NCOA2: variants seen among roughly 807,000 people sequenced by gnomAD.
NCOA2 encodes the protein class E basic helix-loop-helix protein 75.
A neutral mutation model predicts 145.1 loss-of-function variants in NCOA2; 21 were observed. That is an observed-to-expected ratio of 0.14 (90% CI 0.10 to 0.21). The LOEUF is 0.21. Ranked by LOEUF, NCOA2 falls within the 10% of genes least tolerant of loss-of-function variation. The pLI is 1.00. For synonymous variants in NCOA2, 619 were observed against 637.5 expected (o/e 0.97, Z 0.44); for missense variants, 1,472 against 1,837.6 (o/e 0.80, Z 3.64).
At chr8:70,429,306 G>T in the NCOA2 span, among the ~76,000 whole-genome samples, 1 of 152,214 alleles carries the variant, frequency 6.6e-6, no homozygotes, top group Non-Finnish European at 1.5e-5. Context: ...TCTGCTCAGA[G>T]TTGTGGAGGC....
intron 1 of NCOA2, among the ~76,000 whole-genome samples, chr8:70,346,514 CT>C (rs1808659872): frequency 6.6e-6 from 1 of 152,084 alleles, no homozygotes; most frequent in Non-Finnish European, 1.5e-5. Flanking sequence ...AGTTGCCTGC[CT>C]TTTTCCTTTA....
chr8:70,272,148 C>T (rs557739189), intron 2 of NCOA2, among the ~76,000 whole-genome samples: 36 of 152,188 alleles, frequency 2.4e-4, no homozygotes, highest in Non-Finnish European at 3.7e-4. Context: ...TGTGTTCAAA[C>T]TTGGCAGAAA....
At chr8:70,149,964 T>C (rs1477510166) in intron 11 of NCOA2, among the ~76,000 whole-genome samples, 1 of 152,212 alleles carries the variant, frequency 6.6e-6, no homozygotes, top group East Asian at 1.9e-4. Context: ...CGACATACAA[T>C]TCCTCCCCAT....
At chr8:70,226,821 C>T (rs1368404205) in intron 2 of NCOA2, among the ~76,000 whole-genome samples, 2 of 151,838 alleles carry the variant, frequency 1.3e-5, no homozygotes, top group African/African-American at 2.4e-5. Flanking sequence ...TTTTCTTCTA[C>T]CAACTCTTTC....
At chr8:70,160,602 T>C (rs865900478) in intron 9 of NCOA2, among the ~76,000 whole-genome samples, 12 of 149,728 alleles carry the variant, frequency 8.0e-5, no homozygotes, top group Admixed American at 2.0e-4. Context: ...GTTGAATAGT[T>C]ACCCCTAAAG....
chr8:70,130,541 C>T (rs1808972171), intron 16 of NCOA2, among the ~76,000 whole-genome samples: 1 of 146,766 alleles, frequency 6.8e-6, no homozygotes, highest in African/African-American at 2.7e-5. Context: ...ACTCCATTTT[C>T]CTTTCTTATT....
At chr8:70,273,049 T>C (rs367954835) in intron 2 of NCOA2, among the ~76,000 whole-genome samples, 9 of 152,164 alleles carry the variant, frequency 5.9e-5, no homozygotes, top group African/African-American at 1.7e-4. Context: ...TAAAAACTTA[T>C]CTGTGAATTG....
At chr8:70,310,080 C>T (rs1220301171) in intron 1 of NCOA2, among the ~76,000 whole-genome samples, 2 of 152,076 alleles carry the variant, frequency 1.3e-5, no homozygotes, top group African/African-American at 2.4e-5. Context: ...ACCTGTAACC[C>T]AGCACTTTGG....
Position 70,141,093 on chromosome 8 carries a change from C to A in NCOA2, c.3028+91G>T. ...TTCATGGGAGGATTATCTAAAATGCCCATAAGAAGCATGTCTTGAAAGAAC... is the reference window on the plus strand; with the variant it reads ...TTCATGGGAGGATTATCTAAAATGCACATAAGAAGCATGTCTTGAAAGAAC... On this transcript the variant is annotated intron_variant, in intron 14 of 22. Coordinates refer to ENST00000452400, the MANE Select transcript of NCOA2 (RefSeq NM_006540.4). The A allele has an allele frequency of 4.0e-6, 5 of 1,243,640 alleles. 1 individual carries two copies. In the Admixed American group the frequency reaches 1.1e-4, roughly 26 times the overall value. 77.0% of individuals were successfully genotyped at this position (1,243,640 alleles called of 1,614,324 possible).
chr8:70,385,191 T>C (rs1031066331), intron 1 of NCOA2, among the ~76,000 whole-genome samples: 3 of 152,216 alleles, frequency 2.0e-5, no homozygotes, highest in Non-Finnish European at 4.4e-5. Flanking sequence ...TTTAAAATAA[T>C]CTACTCTGAA....
chr8:70,184,371 G>T (rs1815815210), intron 4 of NCOA2, among the ~76,000 whole-genome samples: 2 of 152,114 alleles, frequency 1.3e-5, no homozygotes, highest in Admixed American at 1.3e-4. Context: ...CAGCTCTTAA[G>T]AAAATAAACC....
At chr8:70,344,859 T>A (rs1326150310) in intron 1 of NCOA2, among the ~76,000 whole-genome samples, 7 of 152,230 alleles carry the variant, frequency 4.6e-5, no homozygotes. Context: ...AACACTTAAG[T>A]GTCTCAAGAA....
At chr8:70,345,876 T>C (rs968974067) in intron 1 of NCOA2, among the ~76,000 whole-genome samples, 3 of 152,132 alleles carry the variant, frequency 2.0e-5, no homozygotes, top group African/African-American at 7.2e-5. Context: ...CAGGGTCCCA[T>C]GTCCAACAAT....
At chr8:70,428,561 C>T in the NCOA2 span, among the ~76,000 whole-genome samples, 2 of 152,138 alleles carry the variant, frequency 1.3e-5, no homozygotes, top group Non-Finnish European at 2.9e-5. Context: ...GAGGTCAAGG[C>T]TGCGGTGAGC....
At chr8:70,147,462 ACT>A (rs1386738317) in intron 12 of NCOA2, among the ~76,000 whole-genome samples, 2 of 152,168 alleles carry the variant, frequency 1.3e-5, no homozygotes, top group African/African-American at 4.8e-5. Flanking sequence ...AGGAAAAATC[ACT>A]CTGTTTTGCC....
the NCOA2 span, among the ~76,000 whole-genome samples, chr8:70,445,946 A>G: frequency 6.6e-6 from 1 of 152,150 alleles, no homozygotes; most frequent in Non-Finnish European, 1.5e-5. Context: ...AATACATTCT[A>G]TCATAACTGC....
In NCOA2 at chr8:70,236,009, G is replaced by A. The variant is rs139886764; in HGVS notation, c.-19-19245C>T. ...AAGCTTTCACCTTAAAAATCATGCC[G>A]CCTGCTAAGTGACTACTCAGAAAAT... On this transcript the variant is annotated intron_variant, in intron 2 of 22. Transcript: ENST00000452400. 1.7e-3 allele frequency among the ~76,000 whole-genome samples: 255 copies of A among 152,024 alleles called. 3 individuals carry two copies. The highest frequency in any genetic ancestry group is 0.014 in the South Asian group (66 of 4,808).
At chr8:70,427,540 CA>C in the NCOA2 span, among the ~76,000 whole-genome samples, 146 of 151,842 alleles carry the variant, frequency 9.6e-4, no homozygotes, top group African/African-American at 6.0e-4. Flanking sequence ...ATTTTAGTAC[CA>C]AAAAAAGCCC....
intron 2 of NCOA2, among the ~76,000 whole-genome samples, chr8:70,239,631 T>A (rs975048698): frequency 2.0e-5 from 3 of 152,104 alleles, no homozygotes; most frequent in African/African-American, 7.2e-5. Flanking sequence ...AGGTATCCAA[T>A]CTACAGGTTG....
Sources: allele counts gnomAD v4.1 joint callset (sites outside exome capture counted in the v4.1 genomes callset), GRCh38; gene constraint gnomAD v4.1.1; transcripts MANE v1.5; gene names NCBI Gene and HGNC (gene_info 2026-07-23, HGNC 2026-07-21).